The following TP63 variants were observed in gnomAD, a reference collection of about 807,000 sequenced individuals.
TP63 encodes tumor protein 63.
In TP63, 17 loss-of-function variants were observed where a neutral mutation model predicts 82.8. The observed-to-expected ratio is 0.21, with a 90% CI of 0.14 to 0.31. The LOEUF is 0.31. Among genes scored for constraint, TP63 ranks in the 10% least tolerant of loss-of-function variants. The probability of loss-of-function intolerance (pLI) is 1.00; values close to 1 mark genes in which losing one functional copy is unlikely to be tolerated. For missense variants in TP63, 648 were observed against 895.3 expected (o/e 0.72, Z 3.52); for synonymous variants, 330 against 321.7 (o/e 1.03, Z -0.28).
intron 1 of TP63, among the ~76,000 whole-genome samples, chr3:189,631,824 GC>G (rs1215944158): frequency 1.3e-5 from 2 of 152,008 alleles, no homozygotes; most frequent in Non-Finnish European, 2.9e-5. Flanking sequence ...AAATTATCAC[GC>G]CATTTAAGAA....
intron 10 of TP63, among the ~76,000 whole-genome samples, chr3:189,878,319 A>G (rs1335740985): frequency 6.6e-6 from 1 of 151,450 alleles, no homozygotes; most frequent in African/African-American, 2.4e-5. Flanking sequence ...AAAGAGATGA[A>G]TATTGATAAT....
At chr3:189,784,999 C>T (rs930261217) in intron 3 of TP63, among the ~76,000 whole-genome samples, 4 of 151,998 alleles carry the variant, frequency 2.6e-5, no homozygotes, top group Non-Finnish European at 1.5e-5. Flanking sequence ...TCTGCAGCAG[C>T]CTGGAAAGCC....
the TP63 span, among the ~76,000 whole-genome samples, chr3:189,612,880 AC>A: frequency 6.6e-6 from 1 of 152,210 alleles, no homozygotes; most frequent in Non-Finnish European, 1.5e-5. Flanking sequence ...CATCTGGGGA[AC>A]TTTGAACTTG....
chr3:189,660,476 T>C (rs1304901132), intron 1 of TP63, among the ~76,000 whole-genome samples: 1 of 152,020 alleles, frequency 6.6e-6, no homozygotes, highest in Non-Finnish European at 1.5e-5. Flanking sequence ...CTCTAGCCTA[T>C]AGTTTAAAGT....
At chr3:189,891,129 C>G (rs1428714897) in intron 13 of TP63, among the ~76,000 whole-genome samples, 1 of 152,162 alleles carries the variant, frequency 6.6e-6, no homozygotes, top group Non-Finnish European at 1.5e-5. Context: ...TGCACTTACA[C>G]TATTCTCAAG....
chr3:189,871,726 T>A (rs112578595), intron 9 of TP63, among the ~76,000 whole-genome samples: 59 of 152,164 alleles, frequency 3.9e-4, no homozygotes, highest in African/African-American at 1.3e-3. Flanking sequence ...GTTTTTTTGG[T>A]TTTTGTTTGT....
the TP63 span, among the ~76,000 whole-genome samples, chr3:189,603,906 G>GA: frequency 6.6e-6 from 1 of 151,814 alleles, no homozygotes; most frequent in Non-Finnish European, 1.5e-5. Flanking sequence ...AAGGTAAATC[G>GA]AAAAAATTTT....
At chr3:189,699,530 C>G (rs1017405456) in intron 1 of TP63, among the ~76,000 whole-genome samples, 2 of 152,136 alleles carry the variant, frequency 1.3e-5, no homozygotes, top group Non-Finnish European at 2.9e-5. Flanking sequence ...ACCATCAGCC[C>G]ATCATCCAGT....
At chr3:189,824,030 G>GC (rs1577039882) in intron 4 of TP63, among the ~76,000 whole-genome samples, 1 of 151,834 alleles carries the variant, frequency 6.6e-6, no homozygotes, top group African/African-American at 2.4e-5. Flanking sequence ...AAGCCTAATA[G>GC]CCCCCCAAAC....
chr3:189,864,766 C>T (rs1336807855), intron 5 of TP63, among the ~76,000 whole-genome samples: 5 of 151,722 alleles, frequency 3.3e-5, no homozygotes, highest in East Asian at 1.9e-4. Context: ...CAGCACTTTG[C>T]GAGGCCGAGG....
chr3:189,797,317 T>A (rs988098345), intron 3 of TP63, among the ~76,000 whole-genome samples: 3 of 152,004 alleles, frequency 2.0e-5, no homozygotes, highest in African/African-American at 7.2e-5. Flanking sequence ...TAGGTGCAGT[T>A]TAGTATAATA....
intron 3 of TP63, among the ~76,000 whole-genome samples, chr3:189,801,451 G>A (rs1726297021): frequency 6.6e-6 from 1 of 152,060 alleles, no homozygotes; most frequent in Non-Finnish European, 1.5e-5. Flanking sequence ...GAATTGGGAT[G>A]CCTTCTGATT....
intron 1 of TP63, among the ~76,000 whole-genome samples, chr3:189,667,347 G>C (rs1217497710): frequency 1.3e-5 from 2 of 151,756 alleles, no homozygotes; most frequent in Non-Finnish European, 2.9e-5. Flanking sequence ...GCCAATTTTT[G>C]TATTTTTAGT....
intron 1 of TP63, among the ~76,000 whole-genome samples, chr3:189,720,021 C>T (rs949405916): frequency 2.0e-5 from 3 of 152,138 alleles, no homozygotes; most frequent in Admixed American, 6.5e-5. Context: ...ACTGTTTACT[C>T]TTCTCTCCTG....
intron 1 of TP63, among the ~76,000 whole-genome samples, chr3:189,668,253 T>A (rs893806727): frequency 2.6e-5 from 4 of 152,102 alleles, no homozygotes; most frequent in Non-Finnish European, 5.9e-5. Flanking sequence ...ATCCAGTTTA[T>A]CTAAATTACA....
intron 4 of TP63, among the ~76,000 whole-genome samples, chr3:189,813,574 C>A (rs1008692498): frequency 6.7e-6 from 1 of 148,860 alleles, no homozygotes; most frequent in Admixed American, 6.8e-5. Flanking sequence ...TGTGTGCATA[C>A]GCCATGAAAA....
chr3:189,807,105 G>A (rs1202670024), intron 3 of TP63, among the ~76,000 whole-genome samples: 1 of 152,110 alleles, frequency 6.6e-6, no homozygotes, highest in Non-Finnish European at 1.5e-5. Flanking sequence ...TTAGGTTGAT[G>A]AAACAAGATT....
intron 10 of TP63, among the ~76,000 whole-genome samples, chr3:189,877,422 G>C (rs1473788825): frequency 6.6e-6 from 1 of 152,050 alleles, no homozygotes; most frequent in Non-Finnish European, 1.5e-5. Context: ...TTTTTCATTT[G>C]TTAGTTGTTT....
At chr3:189,602,929 G>C in the TP63 span, among the ~76,000 whole-genome samples, 1 of 152,062 alleles carries the variant, frequency 6.6e-6, no homozygotes, top group Non-Finnish European at 1.5e-5. Flanking sequence ...CTAGTAGTAG[G>C]TAACTTCCCA....
Sources: gnomAD v4.1 joint callset for allele counts (sites outside exome capture counted in the v4.1 genomes callset) on GRCh38, gnomAD v4.1.1 for gene constraint, MANE v1.5 for transcripts, NCBI Gene and HGNC (gene_info 2026-07-23, HGNC 2026-07-21) for gene names.